Variants in ZBBX observed in about 807,000 individuals in gnomAD.
The protein encoded by ZBBX is zinc finger B-box domain-containing protein 1.
A neutral mutation model predicts 108.5 loss-of-function variants in ZBBX; 101 were observed. The observed-to-expected ratio is 0.93, with a 90% CI of 0.79 to 1.10. The LOEUF is 1.10. Ranked by LOEUF, ZBBX falls within the 50% of genes least tolerant of loss-of-function variation. The pLI, the probability that ZBBX is intolerant of heterozygous loss-of-function variation, is 0.00. For synonymous variants in ZBBX, 356 were observed against 323.4 expected, an observed-to-expected ratio of 1.10 and a Z score of -1.08; for missense variants, 1,009 against 941.4, an observed-to-expected ratio of 1.07 and a Z score of -0.94.
chr3:167,191,616 G>A, the ZBBX span, among the ~76,000 whole-genome samples: 2 of 151,978 alleles, frequency 1.3e-5, no homozygotes, highest in Non-Finnish European at 2.9e-5. Flanking sequence ...GATGTGACTT[G>A]CTCTTCCTTG....
the ZBBX span, among the ~76,000 whole-genome samples, chr3:167,209,048 ATGG>A: frequency 6.6e-6 from 1 of 152,076 alleles, no homozygotes; most frequent in Admixed American, 6.5e-5. Context: ...TGGGCCTGGG[ATGG>A]TGGTAGCTAT....
At chr3:167,225,300 C>T in the ZBBX span, among the ~76,000 whole-genome samples, 4 of 151,810 alleles carry the variant, frequency 2.6e-5, no homozygotes, top group Non-Finnish European at 2.9e-5. Flanking sequence ...AAAATACTTG[C>T]TATGTATTGA....
At chr3:167,237,582 GC>G (rs1315502316), downstream of ZBBX, among the ~76,000 whole-genome samples, 1 of 151,830 alleles carries the variant, frequency 6.6e-6, no homozygotes, top group African/African-American at 2.4e-5. Context: ...ACACATTGAA[GC>G]TGCTTCAGGC....
chr3:167,268,715 CA>C (rs1323181186), intron 20 of ZBBX, among the ~76,000 whole-genome samples: 1 of 152,066 alleles, frequency 6.6e-6, no homozygotes, highest in Non-Finnish European at 1.5e-5. Flanking sequence ...AAAGAAGATA[CA>C]AAAATTAGAA....
chr3:167,234,587 G>A, the ZBBX span, among the ~76,000 whole-genome samples: 35 of 151,782 alleles, frequency 2.3e-4, no homozygotes, highest in Admixed American at 2.3e-3. Flanking sequence ...CCTTAAATGT[G>A]ACTTATTTAA....
chr3:167,227,126 AT>A, the ZBBX span, among the ~76,000 whole-genome samples: 1 of 151,810 alleles, frequency 6.6e-6, no homozygotes, highest in Non-Finnish European at 1.5e-5. Context: ...TACTTATTAT[AT>A]TCTTTATACT....
intron 16 of ZBBX, among the ~76,000 whole-genome samples, chr3:167,309,646 A>C (rs148090688): frequency 0.014 from 2,127 of 152,326 alleles, 26 homozygotes; most frequent in South Asian, 0.026. Context: ...AGCCACTGGG[A>C]CAGAGTACCA....
chr3:167,310,993 T>C (rs981610839), intron 16 of ZBBX, among the ~76,000 whole-genome samples: 2 of 152,124 alleles, frequency 1.3e-5, no homozygotes, highest in African/African-American at 2.4e-5. Flanking sequence ...TGACCCAGGA[T>C]AGTGAACACA....
At chr3:167,237,154 A>G (rs1307129800), downstream of ZBBX, among the ~76,000 whole-genome samples, 1 of 151,798 alleles carries the variant, frequency 6.6e-6, no homozygotes, top group Non-Finnish European at 1.5e-5. Flanking sequence ...TATGCACCTC[A>G]CATATAATGC....
At chr3:167,181,701 C>T in the ZBBX span, among the ~76,000 whole-genome samples, 1 of 152,192 alleles carries the variant, frequency 6.6e-6, no homozygotes, top group African/African-American at 2.4e-5. Context: ...TATACACTCT[C>T]CTGGCTCTGC....
intron 20 of ZBBX, chr3:167,252,065 C>G (rs1166428589): frequency 9.2e-7 from 1 of 1,082,022 alleles, no homozygotes; most frequent in Non-Finnish European, 1.2e-6. Flanking sequence ...TTCTCAGGTA[C>G]TTCTAGAATG....
chr3:167,189,517 C>A, the ZBBX span, among the ~76,000 whole-genome samples: 10 of 152,012 alleles, frequency 6.6e-5, no homozygotes, highest in South Asian at 2.1e-4. Flanking sequence ...ACACACACAT[C>A]CACACACACC....
At chr3:167,249,942 C>T (rs1050280811) in intron 20 of ZBBX, among the ~76,000 whole-genome samples, 1 of 152,134 alleles carries the variant, frequency 6.6e-6, no homozygotes, top group Non-Finnish European at 1.5e-5. Context: ...GGAGGGCTTA[C>T]GTAGGACTAA....
At chr3:167,223,713 G>C in the ZBBX span, among the ~76,000 whole-genome samples, 12 of 151,786 alleles carry the variant, frequency 7.9e-5, no homozygotes, top group African/African-American at 2.9e-4. Context: ...CAAAATTTTT[G>C]CCTTAAAATC....
chr3:167,322,524 A>G (rs12632994), intron 11 of ZBBX, among the ~76,000 whole-genome samples: 37,953 of 151,940 alleles, frequency 0.25, 6,137 homozygotes, highest in East Asian at 0.65. Flanking sequence ...ATAAATACAA[A>G]CATTCATTGT....
chr3:167,249,060 T>G (rs1722108626), intron 20 of ZBBX, among the ~76,000 whole-genome samples: 1 of 152,242 alleles, frequency 6.6e-6, no homozygotes, highest in African/African-American at 2.4e-5. Context: ...ACGCTCAGCC[T>G]ATACTCCTCT....
At chr3:167,195,540 T>C in the ZBBX span, among the ~76,000 whole-genome samples, 2 of 152,212 alleles carry the variant, frequency 1.3e-5, no homozygotes, top group Admixed American at 6.5e-5. Context: ...TTAATCAGCA[T>C]CAGTCTTTAT....
intron 2 of ZBBX, among the ~76,000 whole-genome samples, chr3:167,377,010 T>C (rs1207442093): frequency 6.6e-6 from 1 of 152,216 alleles, no homozygotes; most frequent in Admixed American, 6.5e-5. Context: ...TACTTCCTTG[T>C]GTCTTTTGGT....
the ZBBX span, among the ~76,000 whole-genome samples, chr3:167,211,037 A>T: frequency 3.3e-5 from 5 of 152,210 alleles, no homozygotes; most frequent in Non-Finnish European, 5.9e-5. Context: ...AAGGAACAGA[A>T]GGGGTGAGTA....
Sources: allele counts gnomAD v4.1 joint callset (sites outside exome capture counted in the v4.1 genomes callset), GRCh38; gene constraint gnomAD v4.1.1; transcripts MANE v1.5; gene names NCBI Gene and HGNC (gene_info 2026-07-23, HGNC 2026-07-21).